The following PALLD variants were observed in gnomAD, a reference collection of about 807,000 sequenced individuals.
The protein encoded by PALLD is palladin, cytoskeletal associated protein.
In PALLD, 61 loss-of-function variants were observed where a neutral mutation model predicts 123.5. That is an observed-to-expected ratio of 0.49 (90% CI 0.40 to 0.61). The LOEUF (loss-of-function observed/expected upper bound fraction) is 0.61, where lower values mean the gene tolerates loss of function less well. Among genes scored for constraint, PALLD ranks in the 20% least tolerant of loss-of-function variants. PALLD has a pLI of 0.00. For missense variants in PALLD, 1,273 were observed against 1,377.0 expected (o/e 0.92, Z 1.20); for synonymous variants, 465 against 496.4 (o/e 0.94, Z 0.84).
Position 168,540,582 on chromosome 4 carries a change from G to A in PALLD, c.908+28170G>A, listed in dbSNP as rs143859436. Among the ~76,000 whole-genome samples, 563 of 152,032 alleles carry A rather than the reference G, an allele frequency of 3.7e-3. 11 individuals are homozygous for A. Among genetic ancestry groups the A allele is most frequent in the East Asian group, 0.01 (54 of 5,182 alleles). On this transcript the variant is annotated intron_variant, in intron 2 of 21. Transcript: ENST00000505667. ...TTATTTTAAATGAGTTTCAGTTTGCGCATTTTTTTAAAAAAAGAGCAAAAA... is the reference window on the plus strand; with the variant it reads ...TTATTTTAAATGAGTTTCAGTTTGCACATTTTTTTAAAAAAAGAGCAAAAA...
chr4:168,685,588 T>G, intron 6 of PALLD, 29 bp downstream of exon 6: 1 of 1,453,726 alleles, frequency 6.9e-7, no homozygotes, highest in Non-Finnish European at 9.7e-7. Context: ...TCATTCTCTG[T>G]GTTTGCTTTG....
chr4:168,901,309 G>GGCC (rs1372051529), intron 14 of PALLD, among the ~76,000 whole-genome samples: 2 of 152,166 alleles, frequency 1.3e-5, no homozygotes, highest in African/African-American at 2.4e-5. Flanking sequence ...GCTTGTTCTA[G>GGCC]TTGAGCCATA....
chr4:168,889,167 G>GTGTGTGTGTGTGTGGT (rs1560861904), intron 10 of PALLD, among the ~76,000 whole-genome samples: 2 of 41,474 alleles, frequency 4.8e-5, no homozygotes, highest in Non-Finnish European at 1.5e-4. Flanking sequence ...TGTGTGTGTG[G>GTGTGTGTGTGTGTGGT]TTTTTTTTTT....
intron 10 of PALLD, among the ~76,000 whole-genome samples, chr4:168,780,377 A>G (rs1008303916): frequency 6.6e-6 from 1 of 152,204 alleles, no homozygotes; most frequent in African/African-American, 2.4e-5. Flanking sequence ...CTAATGCAGC[A>G]TTGCTCTCTG....
At chr4:168,684,405 T>C (rs531256414) in intron 5 of PALLD, among the ~76,000 whole-genome samples, 1 of 152,192 alleles carries the variant, frequency 6.6e-6, no homozygotes, top group Non-Finnish European at 1.5e-5. Flanking sequence ...TGACATCAAG[T>C]AATGCTCTGG....
intron 10 of PALLD, among the ~76,000 whole-genome samples, chr4:168,878,596 A>G (rs1752168362): frequency 6.6e-6 from 1 of 151,818 alleles, no homozygotes; most frequent in Middle Eastern, 3.2e-3. Context: ...TAACATTATC[A>G]AAATCAGAAC....
chr4:168,671,024 A>G (rs199911494), intron 3 of PALLD, among the ~76,000 whole-genome samples: 1 of 11,160 alleles, frequency 9.0e-5, no homozygotes, highest in Non-Finnish European at 2.4e-4. Context: ...TCTCAAAAAA[A>G]AGAAAAAAAA....
chr4:168,872,602 G>A (rs1005721170), intron 10 of PALLD, among the ~76,000 whole-genome samples: 19 of 152,172 alleles, frequency 1.2e-4, no homozygotes, highest in Admixed American at 2.0e-4. Flanking sequence ...TTAGGGGAAT[G>A]TATTTGAATT....
At chr4:168,614,736 T>G (rs1173886804) in intron 2 of PALLD, among the ~76,000 whole-genome samples, 1 of 152,196 alleles carries the variant, frequency 6.6e-6, no homozygotes, top group South Asian at 2.1e-4. Context: ...AAGAACCTAA[T>G]GCTGAAAAGG....
rs372282822 is a variant in PALLD at position 168,702,832 on chromosome 4, T to C, written c.1502-6196T>C. On this transcript the variant is annotated intron_variant, in intron 8 of 21. Coordinates refer to ENST00000505667, the MANE Select transcript of PALLD (RefSeq NM_001166108.2). ...TCCCTTGTAACTTTCCAGAGACATC[T>C]CACTTTCCAAATGATTAATCTTTTT... Among the ~76,000 whole-genome samples, 3 of 152,052 alleles carry C rather than the reference T, an allele frequency of 2.0e-5. No individual in the cohort carries two copies. In the East Asian group the frequency reaches 5.8e-4, roughly 29 times the overall value.
intron 10 of PALLD, among the ~76,000 whole-genome samples, chr4:168,735,679 A>G (rs111810476): frequency 0.029 from 4,413 of 152,246 alleles, 228 homozygotes; most frequent in African/African-American, 0.1. Flanking sequence ...TACATAGTCA[A>G]CAATCATGTT....
intron 2 of PALLD, among the ~76,000 whole-genome samples, chr4:168,582,553 G>A (rs1338945148): frequency 6.6e-6 from 1 of 152,074 alleles, no homozygotes; most frequent in Non-Finnish European, 1.5e-5. Flanking sequence ...TGTTTATGAT[G>A]TTAGCTATGG....
chr4:168,527,510 C>T (rs1363226528), intron 2 of PALLD, among the ~76,000 whole-genome samples: 3 of 149,994 alleles, frequency 2.0e-5, no homozygotes, highest in African/African-American at 7.4e-5. Flanking sequence ...AAGACAGTAA[C>T]CTCTTTGGGG....
At position 168,719,252 on chromosome 4, in the gene PALLD, CTTTTTTTTT is replaced by C. The variant is rs869040811; in HGVS notation, c.1964+7344_1964+7352del. 1.1e-4 allele frequency among the ~76,000 whole-genome samples: 9 copies of C among 85,714 alleles called. No individual in the cohort carries two copies. In the South Asian group the frequency reaches 1.6e-3, roughly 15 times the overall value. The allele number at this position is 85,714 out of a possible 152,430, so 56.2% of individuals were successfully genotyped here. On this transcript the variant is annotated intron_variant, in intron 10 of 21. Coordinates refer to ENST00000505667, the MANE Select transcript of PALLD (RefSeq NM_001166108.2). ...CTAAGTAATTATCAAAAGTAATCTT[CTTTTTTTTT>C]TTTTTTTTTTTTTTGAGAAAAATTC... is the stretch of plus-strand genomic sequence containing the variant.
chr4:168,621,975 C>G (rs552072467), intron 2 of PALLD, among the ~76,000 whole-genome samples: 6 of 152,070 alleles, frequency 3.9e-5, no homozygotes, highest in Non-Finnish European at 2.9e-5. Context: ...TTTGTATTTG[C>G]GCCAAAAAGT....
intron 16 of PALLD, 43 bp from the exon 17 acceptor site, chr4:168,915,852 A>G: frequency 3.9e-6 from 6 of 1,526,430 alleles, no homozygotes; most frequent in Non-Finnish European, 3.6e-6. Flanking sequence ...GGAAGTAACT[A>G]CTATCTATAT....
At chr4:168,512,609 C>A (rs181966319) in intron 2 of PALLD, among the ~76,000 whole-genome samples, 197 bp downstream of exon 2, 2 of 152,056 alleles carry the variant, frequency 1.3e-5, no homozygotes, top group Non-Finnish European at 2.9e-5. Context: ...TGGTCATGCA[C>A]CCTCTGTGCT....
At chr4:168,888,662 T>A (rs1753704559) in intron 10 of PALLD, among the ~76,000 whole-genome samples, 1 of 152,152 alleles carries the variant, frequency 6.6e-6, no homozygotes, top group Non-Finnish European at 1.5e-5. Flanking sequence ...ACTCCTCCAG[T>A]CTCATTGGCC....
chr4:168,575,526 T>G (rs1769474041), intron 2 of PALLD, among the ~76,000 whole-genome samples: 1 of 151,992 alleles, frequency 6.6e-6, no homozygotes, highest in South Asian at 2.1e-4. Context: ...GAGATTTGGG[T>G]GGGGACACAG....
Sources: gnomAD v4.1 joint callset for allele counts (sites outside exome capture counted in the v4.1 genomes callset) on GRCh38, gnomAD v4.1.1 for gene constraint, MANE v1.5 for transcripts, NCBI Gene and HGNC (gene_info 2026-07-23, HGNC 2026-07-21) for gene names.